SEZ6L: variants seen among roughly 807,000 people sequenced by gnomAD.
SEZ6L encodes seizure 6-like protein.
In SEZ6L, 37 loss-of-function variants were observed where a neutral mutation model predicts 106.2. That is an observed-to-expected ratio of 0.35 (90% CI 0.27 to 0.46). The LOEUF is 0.46. Ranked by LOEUF, SEZ6L falls within the 20% of genes least tolerant of loss-of-function variation. SEZ6L has a pLI of 1.00. For missense variants in SEZ6L, 1,172 were observed against 1,332.8 expected (o/e 0.88, Z 1.88); for synonymous variants, 541 against 570.4 (o/e 0.95, Z 0.73).
At chr22:26,314,111 G>GGAGA (rs72164874) in intron 9 of SEZ6L, among the ~76,000 whole-genome samples, 19 of 143,562 alleles carry the variant, frequency 1.3e-4, no homozygotes, top group African/African-American at 5.0e-4. Flanking sequence ...GAGAGAGAGA[G>GGAGA]GAGAGAGAGA....
intron 7 of SEZ6L, 59 bp from the exon 8 acceptor site, chr22:26,311,709 T>G: frequency 6.9e-7 from 1 of 1,449,552 alleles, no homozygotes; most frequent in South Asian, 1.2e-5. Context: ...TTCTGAAATA[T>G]AGCACCGTGG....
chr22:26,337,243 C>G (rs905721604), intron 9 of SEZ6L, among the ~76,000 whole-genome samples: 2 of 152,236 alleles, frequency 1.3e-5, no homozygotes, highest in Non-Finnish European at 2.9e-5. Context: ...CTTCCCTGCA[C>G]ATTGCTCCAT....
intron 8 of SEZ6L, among the ~76,000 whole-genome samples, chr22:26,312,355 A>G (rs1002739803): frequency 1.3e-5 from 2 of 152,226 alleles, no homozygotes; most frequent in African/African-American, 2.4e-5. Flanking sequence ...GCACTTTGCT[A>G]AGAGTGTGTG....
chr22:26,355,188 C>G (rs1319729882), intron 12 of SEZ6L, among the ~76,000 whole-genome samples: 3 of 152,252 alleles, frequency 2.0e-5, no homozygotes, highest in African/African-American at 4.8e-5. Flanking sequence ...TCTTCACCCT[C>G]ACGGAAATCG....
intron 9 of SEZ6L, among the ~76,000 whole-genome samples, chr22:26,326,208 G>C (rs897112239): frequency 6.6e-6 from 1 of 152,192 alleles, no homozygotes; most frequent in Non-Finnish European, 1.5e-5. Context: ...GAGGGGACCT[G>C]CTGTCTGTCT....
At chr22:26,345,473 G>T (rs2082977314) in intron 10 of SEZ6L, among the ~76,000 whole-genome samples, 1 of 152,092 alleles carries the variant, frequency 6.6e-6, no homozygotes, top group South Asian at 2.1e-4. Context: ...CACATTTCTG[G>T]TGTCTGCTCC....
At chr22:26,268,821 C>A (rs892952341) in intron 1 of SEZ6L, among the ~76,000 whole-genome samples, 5 of 152,126 alleles carry the variant, frequency 3.3e-5, no homozygotes, top group Admixed American at 6.5e-5. Flanking sequence ...ACCAAATTAC[C>A]GTCAGTTGAG....
rs1236482947 is a variant in SEZ6L at position 26,368,990 on chromosome 22, G to GGAAACC, written c.2794+3425_2794+3430dup. ...CCCAACCAGCCAGTCACCGCAGCAT[G>GGAAACC]GAAACCTAGGTGTGTTCACACATTC... On this transcript the variant is annotated intron_variant, in intron 13 of 16. Coordinates refer to ENST00000248933, the MANE Select transcript of SEZ6L (RefSeq NM_021115.5). 2.6e-5 allele frequency among the ~76,000 whole-genome samples: 4 copies of GGAAACC among 152,222 alleles called. No individual in the cohort carries two copies. The South Asian group carries it at 8.3e-4, about 32-fold the overall frequency.
intron 1 of SEZ6L, among the ~76,000 whole-genome samples, chr22:26,264,076 GATT>G (rs1443104761): frequency 6.6e-6 from 1 of 152,244 alleles, no homozygotes; most frequent in Non-Finnish European, 1.5e-5. Context: ...GGACAGCTAA[GATT>G]ATCGTTGGCC....
At chr22:26,258,202 A>G (rs978995320) in intron 1 of SEZ6L, among the ~76,000 whole-genome samples, 3 of 152,204 alleles carry the variant, frequency 2.0e-5, no homozygotes, top group African/African-American at 7.2e-5. Flanking sequence ...TAGGGAGAGT[A>G]AGTTTCTTAC....
intron 9 of SEZ6L, among the ~76,000 whole-genome samples, chr22:26,337,409 T>C (rs1488398084): frequency 2.0e-5 from 3 of 152,254 alleles, no homozygotes; most frequent in African/African-American, 7.2e-5. Flanking sequence ...GGATCAGCTG[T>C]GAAGTCGGCT....
chr22:26,225,277 C>T lies in SEZ6L; in HGVS notation c.94+55514C>T, dbSNP rs144248125. ...AGCTCATCACTGGTCAGGAAGCCAA[C>T]TCAGTCAGAGAGATTGGCTTGCCTC... On this transcript the variant is annotated intron_variant, in intron 1 of 16. Coordinates refer to ENST00000248933, the MANE Select transcript of SEZ6L (RefSeq NM_021115.5). Among the ~76,000 whole-genome samples the T allele has an allele frequency of 6.9e-4, 105 of 152,320 alleles. 1 individual carries two copies. The East Asian group carries it at 0.019, about 27-fold the overall frequency.
rs77721709 is a variant in SEZ6L, at chr22:26,189,736, T to C, written c.94+19973T>C. ...GTGGATCTTGGCATCCTGGGGGTCC[T>C]GGAACGAGTCTCACATGGATACTGG... On this transcript the variant is annotated intron_variant, in intron 1 of 16. Coordinates refer to ENST00000248933, the MANE Select transcript of SEZ6L (RefSeq NM_021115.5). 1.8e-4 allele frequency among the ~76,000 whole-genome samples: 28 copies of C among 152,286 alleles called. 1 individual carries two copies. The East Asian group carries it at 5.4e-3, about 29-fold the overall frequency.
intron 1 of SEZ6L, among the ~76,000 whole-genome samples, chr22:26,193,706 T>C (rs1261966646): frequency 6.6e-6 from 1 of 152,234 alleles, no homozygotes; most frequent in Non-Finnish European, 1.5e-5. Context: ...TTCTATATGC[T>C]TCTTGAGTCT....
At chr22:26,187,522 G>A (rs565577095) in intron 1 of SEZ6L, among the ~76,000 whole-genome samples, 5 of 152,320 alleles carry the variant, frequency 3.3e-5, no homozygotes, top group African/African-American at 9.6e-5. Flanking sequence ...AGGATTCCCA[G>A]CCTTTGACCC....
chr22:26,335,923 C>T (rs1029955534), intron 9 of SEZ6L, among the ~76,000 whole-genome samples: 6 of 152,144 alleles, frequency 3.9e-5, no homozygotes, highest in South Asian at 2.1e-4. Context: ...GATACACATT[C>T]GACCCTCCCT....
intron 1 of SEZ6L, among the ~76,000 whole-genome samples, chr22:26,271,489 C>T (rs1334603021): frequency 2.0e-5 from 3 of 152,174 alleles, no homozygotes; most frequent in African/African-American, 7.2e-5. Context: ...GGAGGTGGAG[C>T]CTGGTGGCAG....
chr22:26,359,665 C>T (rs535029448), intron 12 of SEZ6L, among the ~76,000 whole-genome samples: 154 of 152,138 alleles, frequency 1.0e-3, no homozygotes, highest in Non-Finnish European at 1.9e-3. Context: ...ATTAGCCAGG[C>T]ATGATGGTGC....
chr22:26,249,147 G>A (rs535131614), intron 1 of SEZ6L, among the ~76,000 whole-genome samples: 4 of 152,190 alleles, frequency 2.6e-5, no homozygotes, highest in African/African-American at 7.2e-5. Flanking sequence ...CTATCACCTC[G>A]AAAATGTATT....
Sources: allele counts gnomAD v4.1 joint callset (sites outside exome capture counted in the v4.1 genomes callset), GRCh38; gene constraint gnomAD v4.1.1; transcripts MANE v1.5; gene names NCBI Gene and HGNC (gene_info 2026-07-23, HGNC 2026-07-21).